ZNG1A: variants seen among roughly 807,000 people sequenced by gnomAD.
The protein encoded by ZNG1A is zinc-regulated GTPase metalloprotein activator 1A.
At chr9:127,549 T>A in the ZNG1A span, among the ~76,000 whole-genome samples, 11 of 152,388 alleles carry the variant, frequency 7.2e-5, no homozygotes, top group African/African-American at 2.4e-4. Flanking sequence ...TCCATCCCTT[T>A]ACCTTAAGTT....
the ZNG1A span, chr9:172,366 AT>A: frequency 5.1e-6 from 3 of 589,182 alleles, no homozygotes; most frequent in African/African-American, 1.9e-5. Context: ...ATGCATATAT[AT>A]AATAGGTAAA....
chr9:135,859 C>T, the ZNG1A span, among the ~76,000 whole-genome samples: 1 of 91,708 alleles, frequency 1.1e-5, no homozygotes, highest in Non-Finnish European at 2.0e-5. Flanking sequence ...GCTGGTTGCT[C>T]AGGAAAAGAT....
At chr9:139,648 G>A in the ZNG1A span, among the ~76,000 whole-genome samples, 1 of 152,048 alleles carries the variant, frequency 6.6e-6, no homozygotes, top group Non-Finnish European at 1.5e-5. Context: ...AGTGAACAGA[G>A]GAGAGAGGAG....
the ZNG1A span, among the ~76,000 whole-genome samples, chr9:130,401 G>A: frequency 7.6e-6 from 1 of 130,952 alleles, no homozygotes; most frequent in African/African-American, 3.0e-5. Flanking sequence ...CGCAAAATAC[G>A]ACTCCAAATG....
the ZNG1A span, chr9:172,000 C>T: frequency 1.9e-6 from 3 of 1,600,286 alleles, no homozygotes; most frequent in East Asian, 2.2e-5. Context: ...CTTTAATCCT[C>T]ATTTTAGATA....
chr9:122,955 ACTTGG>A, the ZNG1A span: 1 of 1,179,514 alleles, frequency 8.5e-7, no homozygotes, highest in Non-Finnish European at 1.1e-6. Context: ...ATTTCTCTGT[ACTTGG>A]GAACAGAGAG....
At chr9:121,380 A>G in the ZNG1A span, 2 of 838,278 alleles carry the variant, frequency 2.4e-6, no homozygotes, top group Non-Finnish European at 4.0e-6. Context: ...GGAATTCGTA[A>G]CTAAAGTAAT....
the ZNG1A span, among the ~76,000 whole-genome samples, chr9:155,145 T>G: frequency 6.6e-6 from 1 of 151,788 alleles, no homozygotes; most frequent in Admixed American, 6.6e-5. Context: ...TAATTTTCTT[T>G]GTGAAGAAAA....
chr9:177,592 A>G, the ZNG1A span: 1 of 1,518,640 alleles, frequency 6.6e-7, no homozygotes, highest in South Asian at 1.2e-5. Context: ...AAGCCAAAAG[A>G]ACAGCGTTTC....
chr9:139,901 A>G, the ZNG1A span, among the ~76,000 whole-genome samples: 420 of 145,048 alleles, frequency 2.9e-3, 6 homozygotes, highest in African/African-American at 0.011. Flanking sequence ...AAGGGGTGAC[A>G]GACGGCACCT....
At chr9:145,480 T>C in the ZNG1A span, among the ~76,000 whole-genome samples, 3 of 140,952 alleles carry the variant, frequency 2.1e-5, no homozygotes, top group East Asian at 4.2e-4. Context: ...TTCTCACTCA[T>C]AGGTGGGAAT....
At chr9:175,198 C>T in the ZNG1A span, among the ~76,000 whole-genome samples, 1 of 152,022 alleles carries the variant, frequency 6.6e-6, no homozygotes. Flanking sequence ...GCCAACATGG[C>T]GAAACCCTGT....
the ZNG1A span, chr9:153,771 G>T: frequency 6.8e-6 from 1 of 147,414 alleles, no homozygotes. Flanking sequence ...TACCTTTATT[G>T]ATTCAATTGA....
At chr9:129,682 G>GC in the ZNG1A span, among the ~76,000 whole-genome samples, 1 of 150,022 alleles carries the variant, frequency 6.7e-6, no homozygotes, top group African/African-American at 2.5e-5. Flanking sequence ...AATTGGGGGG[G>GC]GCTGTTCAAT....
chr9:125,304 T>C, the ZNG1A span, among the ~76,000 whole-genome samples: 2 of 150,060 alleles, frequency 1.3e-5, no homozygotes, highest in African/African-American at 4.9e-5. Context: ...TCCCTGATCA[T>C]TAGTGATGTT....
At chr9:140,141 C>T in the ZNG1A span, among the ~76,000 whole-genome samples, 15 of 151,076 alleles carry the variant, frequency 9.9e-5, 2 homozygotes, top group African/African-American at 3.4e-4. Context: ...CCGGGAAGCT[C>T]GAACTGGGTG....
the ZNG1A span, chr9:121,505 A>C: frequency 6.2e-7 from 1 of 1,611,388 alleles, no homozygotes; most frequent in East Asian, 2.2e-5. Flanking sequence ...CGTGTTGTCC[A>C]CTGCTTTTCT....
At chr9:160,577 G>A in the ZNG1A span, among the ~76,000 whole-genome samples, 14 of 151,032 alleles carry the variant, frequency 9.3e-5, no homozygotes, top group South Asian at 2.9e-3. Flanking sequence ...TACTGTGTTT[G>A]CATTATTCAG....
At chr9:161,896 T>A in the ZNG1A span, among the ~76,000 whole-genome samples, 1 of 151,602 alleles carries the variant, frequency 6.6e-6, no homozygotes, top group African/African-American at 2.4e-5. Flanking sequence ...CTGATTTTCT[T>A]CAATATGTAC....
Sources: gnomAD v4.1 joint callset for allele counts (sites outside exome capture counted in the v4.1 genomes callset) on GRCh38, gnomAD v4.1.1 for gene constraint, MANE v1.5 for transcripts, NCBI Gene and HGNC (gene_info 2026-07-23, HGNC 2026-07-21) for gene names.